The following CFAP97 variants were observed in gnomAD, a reference collection of about 807,000 sequenced individuals.
The protein encoded by CFAP97 is cilia and flagella associated protein 97, also known as cilia- and flagella-associated protein 97.
In CFAP97, 36 loss-of-function variants were observed where a neutral mutation model predicts 43.1. That is an observed-to-expected ratio of 0.84 (90% confidence interval 0.64 to 1.10). The LOEUF is 1.10. Among genes scored for constraint, CFAP97 ranks in the 50% least tolerant of loss-of-function variants. The pLI is 0.00. For synonymous variants in CFAP97, 228 were observed against 225.7 expected (o/e 1.01, Z -0.09); for missense variants, 657 against 620.3 (o/e 1.06, Z -0.63).
At chr4:185,188,594 T>C (rs1736102869) in intron 2 of CFAP97, among the ~76,000 whole-genome samples, 1 of 152,212 alleles carries the variant, frequency 6.6e-6, no homozygotes, top group South Asian at 2.1e-4. Context: ...TCTGCCCACC[T>C]TGGCCTCCAA....
rs1318566445 is a variant in CFAP97 at position 185,162,051 on chromosome 4, A to G, written c.*747T>C. On this transcript the variant is annotated 3_prime_UTR_variant, in exon 5 of 5. Transcript: ENST00000458385. ...ATTCACGAGTTAGAAGACTAGCTCT[A>G]AAACCTACCTCATTTCTAAGAGTCA... 1.3e-5 allele frequency: 2 copies of G among 152,248 alleles called. No individual in the cohort carries two copies. Among genetic ancestry groups the G allele is most frequent in the African/African-American group, 4.8e-5 (2 of 41,474 alleles). The allele number at this position is 152,248 out of a possible 1,614,324, so 9.4% of individuals were successfully genotyped here.
chr4:185,192,772 G>A (rs1165687745), intron 1 of CFAP97, among the ~76,000 whole-genome samples: 8 of 109,060 alleles, frequency 7.3e-5, no homozygotes, highest in African/African-American at 2.5e-4. Flanking sequence ...ACGGAGTCTC[G>A]CTCTGTCACC....
At chr4:185,188,703 A>G (rs1300366076) in intron 2 of CFAP97, among the ~76,000 whole-genome samples, 1 of 117,532 alleles carries the variant, frequency 8.5e-6, no homozygotes, top group African/African-American at 2.7e-5. Context: ...GGATTGATTT[A>G]CTTTTTTTTT....
At chr4:185,177,975 A>T (rs1175159743) in intron 2 of CFAP97, among the ~76,000 whole-genome samples, 1 of 152,142 alleles carries the variant, frequency 6.6e-6, no homozygotes, top group African/African-American at 2.4e-5. Flanking sequence ...GTTACAGAAA[A>T]TTTTAAAAAA....
intron 2 of CFAP97, among the ~76,000 whole-genome samples, chr4:185,179,024 G>A (rs1484670542): frequency 6.6e-6 from 1 of 152,144 alleles, no homozygotes; most frequent in Non-Finnish European, 1.5e-5. Context: ...GAACTGGCCA[G>A]TTTTCAAGCA....
rs1734893715 is a variant in CFAP97 at position 185,162,113 on chromosome 4, A to T, written c.*685T>A. On this transcript the variant is annotated 3_prime_UTR_variant, in exon 5 of 5. Transcript: ENST00000458385. ...TTACCTGAATGCATGAAAACACAAAAGGGAAGCTTCTAAGTTGAACTTTCT... is the reference window on the plus strand; with the variant it reads ...TTACCTGAATGCATGAAAACACAAATGGGAAGCTTCTAAGTTGAACTTTCT... The T allele has an allele frequency of 6.6e-6, 1 of 152,238 alleles. No individual in the cohort carries two copies. Among genetic ancestry groups the T allele is most frequent in the African/African-American group, 2.4e-5 (1 of 41,456 alleles). The allele number at this position is 152,238 out of a possible 1,614,324, so 9.4% of individuals were successfully genotyped here.
In CFAP97 at chr4:185,190,425, A is replaced by G; in HGVS notation, c.772T>C (p.Leu258=). The part of the protein sequence containing the change: ...SEDTVTDVSP[L]STPDISPLQS... Reference sequence around the variant, plus strand: ...AGAGGGCTAATGTCTGGAGTTGATAAGGGACTTACGTCAGTCACAGTATCT... The same window carrying G: ...AGAGGGCTAATGTCTGGAGTTGATAGGGGACTTACGTCAGTCACAGTATCT... The change falls in exon 2 of 5, where the codon TTA becomes CTA. Residue 258 remains leucine (L), a synonymous_variant. Coordinates refer to ENST00000458385, the MANE Select transcript of CFAP97 (RefSeq NM_020827.3). 4.3e-6 allele frequency: 7 copies of G among 1,613,602 alleles called. No individual in the cohort carries two copies. The highest frequency in any genetic ancestry group is 5.9e-6 in the Non-Finnish European group (7 of 1,179,664).
chr4:185,192,215 A>C (rs1192967086), intron 1 of CFAP97, among the ~76,000 whole-genome samples: 2 of 152,246 alleles, frequency 1.3e-5, no homozygotes, highest in East Asian at 1.9e-4. Flanking sequence ...GGTATGTCGA[A>C]CTTCTGAATA....
Position 185,190,891 on chromosome 4 carries a change from T to A in CFAP97, c.306A>T (p.Lys102Asn). Residue 102 changes from lysine (K) to asparagine (N), a missense_variant, in exon 2 of 5, where the codon AAA becomes AAT. Physicochemically the swap from Lys to Asn is moderately conservative, Grantham distance 94. Coordinates refer to ENST00000458385, the MANE Select transcript of CFAP97 (RefSeq NM_020827.3). ...FSLPASSRSKKLCDVTTGLKI... is the reference protein window; with the variant it reads ...FSLPASSRSKNLCDVTTGLKI... Reference sequence around the variant, plus strand: ...TAAGTCCTGTTGTAACATCACACAATTTTTTTGATCTTGAAGAGGCTGGCA... The same window carrying A: ...TAAGTCCTGTTGTAACATCACACAAATTTTTTGATCTTGAAGAGGCTGGCA... 1 of 1,612,042 alleles carries A rather than the reference T, an allele frequency of 6.2e-7. No homozygotes were observed. The highest frequency in any genetic ancestry group is 1.1e-5 in the South Asian group (1 of 90,786).
At chr4:185,184,298 A>G (rs939477862) in intron 2 of CFAP97, among the ~76,000 whole-genome samples, 1 of 152,204 alleles carries the variant, frequency 6.6e-6, no homozygotes, top group Non-Finnish European at 1.5e-5. Flanking sequence ...ATTACTGTAT[A>G]TCTATTTTCC....
At chr4:185,199,560 C>T (rs1736727407) in intron 1 of CFAP97, among the ~76,000 whole-genome samples, 3 of 151,822 alleles carry the variant, frequency 2.0e-5, no homozygotes, top group Non-Finnish European at 4.4e-5. Flanking sequence ...GTCTCAGCTA[C>T]TCGGGAGGCT....
At chr4:185,174,404 C>G (rs1196760453) in intron 3 of CFAP97, among the ~76,000 whole-genome samples, 1 of 152,120 alleles carries the variant, frequency 6.6e-6, no homozygotes, top group Non-Finnish European at 1.5e-5. Flanking sequence ...GCAGGGTAAT[C>G]CTCTTGAAGG....
intron 1 of CFAP97, among the ~76,000 whole-genome samples, chr4:185,195,988 T>C (rs905137885): frequency 1.2e-4 from 18 of 152,210 alleles, no homozygotes; most frequent in Admixed American, 5.9e-4. Flanking sequence ...CTTTCTTACT[T>C]TGTTGTGTGG....
chr4:185,169,026 T>TCATCTCA (rs1210363780), intron 3 of CFAP97: 1 of 152,206 alleles, frequency 6.6e-6, no homozygotes, highest in African/African-American at 2.4e-5. Flanking sequence ...TACACATCCA[T>TCATCTCA]CATCTCACAG....
chr4:185,208,987 T>TA (rs1183544477), upstream of CFAP97, among the ~76,000 whole-genome samples: 6 of 152,168 alleles, frequency 3.9e-5, no homozygotes, highest in South Asian at 4.2e-4. Context: ...GAATAGTTGG[T>TA]AAAAAACAAA....
chr4:185,209,783 G>C (rs1313316202), upstream of CFAP97: 3 of 983,776 alleles, frequency 3.0e-6, no homozygotes, highest in African/African-American at 1.8e-5. This position sits in a 1 kb window ranked among gnomAD's most constrained non-coding sequence, Gnocchi z 5.2. Context: ...GCGGGGGACC[G>C]GGGGGCAGGA....
At chr4:185,168,874 C>T (rs111365199) in intron 3 of CFAP97, among the ~76,000 whole-genome samples, 2,777 of 151,496 alleles carry the variant, frequency 0.018, 39 homozygotes, top group Non-Finnish European at 0.03. Context: ...GATCGTGCCA[C>T]TGCACTCCAG....
In CFAP97 at chr4:185,197,673, G is replaced by A. The variant is rs200955475; in HGVS notation, c.-17+6225C>T. 8.5e-5 allele frequency among the ~76,000 whole-genome samples: 13 copies of A among 152,234 alleles called. No individual in the cohort carries two copies. The East Asian group carries it at 1.4e-3, about 16-fold the overall frequency. ...GATCTCCTGACCTCGGGATCCGCCC[G>A]CCTTGGCCTCCCAAAGTGCTGGGAT... On this transcript the variant is annotated intron_variant, in intron 1 of 4. Transcript: ENST00000458385.
At chr4:185,168,630 C>T (rs565502424) in intron 3 of CFAP97, among the ~76,000 whole-genome samples, 1 of 151,810 alleles carries the variant, frequency 6.6e-6, no homozygotes, top group East Asian at 1.9e-4. Context: ...CACGGTGGCT[C>T]ACGCCTGTAA....
Sources: gnomAD v4.1 joint callset for allele counts (sites outside exome capture counted in the v4.1 genomes callset) on GRCh38, gnomAD v4.1.1 for gene constraint, Gnocchi (gnomAD v3.1) non-coding constraint, MANE v1.5 for transcripts, NCBI Gene and HGNC (gene_info 2026-07-23, HGNC 2026-07-21) for gene names.